CCDC149: variants seen among roughly 807,000 people sequenced by gnomAD.
CCDC149 encodes the protein coiled-coil domain containing 149, also known as coiled-coil domain-containing protein 149.
In CCDC149, 45 loss-of-function variants were observed where a neutral mutation model predicts 59.9. The observed-to-expected ratio is 0.75, with a 90% CI of 0.59 to 0.96. The LOEUF (loss-of-function observed/expected upper bound fraction) is 0.96, where lower values mean the gene tolerates loss of function less well. Ranked by LOEUF, CCDC149 falls within the 40% of genes least tolerant of loss-of-function variation. The probability of loss-of-function intolerance (pLI) is 0.00; values close to 1 mark genes in which losing one functional copy is unlikely to be tolerated. For synonymous variants in CCDC149, 245 were observed against 260.6 expected (o/e 0.94, Z 0.58); for missense variants, 584 against 664.7 (o/e 0.88, Z 1.33).
At chr4:24,941,631 A>T (rs1722956458) in intron 1 of CCDC149, among the ~76,000 whole-genome samples, 1 of 152,154 alleles carries the variant, frequency 6.6e-6, no homozygotes, top group African/African-American at 2.4e-5. Context: ...AAAGATCAAC[A>T]AAATTGATAG....
chr4:24,888,984 T>C (rs201584607), intron 1 of CCDC149, among the ~76,000 whole-genome samples: 2 of 152,260 alleles, frequency 1.3e-5, no homozygotes, highest in East Asian at 3.9e-4. Flanking sequence ...GTATTACTTT[T>C]GACAGGCAAA....
intron 4 of CCDC149, among the ~76,000 whole-genome samples, chr4:24,852,138 A>G (rs1416702717): frequency 6.6e-6 from 1 of 152,060 alleles, no homozygotes; most frequent in South Asian, 2.1e-4. Flanking sequence ...AGGCAATTCT[A>G]TGCATATTTT....
intron 3 of CCDC149, among the ~76,000 whole-genome samples, chr4:24,858,124 C>T (rs1415087167): frequency 6.6e-6 from 1 of 152,188 alleles, no homozygotes; most frequent in African/African-American, 2.4e-5. Flanking sequence ...ATGACTCACA[C>T]ACATTCACTA....
chr4:24,863,064 G>T (rs111309624), intron 3 of CCDC149, among the ~76,000 whole-genome samples: 1 of 152,116 alleles, frequency 6.6e-6, no homozygotes, highest in Non-Finnish European at 1.5e-5. Context: ...GGGCTGAGGC[G>T]GGAGGATCAC....
chr4:24,865,095 T>C (rs1404856595), intron 3 of CCDC149, among the ~76,000 whole-genome samples: 3 of 152,102 alleles, frequency 2.0e-5, no homozygotes, highest in Admixed American at 6.5e-5. Context: ...TGAAGACATA[T>C]AAATCAGAAC....
At chr4:24,869,312 G>A (rs800378) in intron 3 of CCDC149, among the ~76,000 whole-genome samples, 74,403 of 152,050 alleles carry the variant, frequency 0.49, 20,127 homozygotes, top group Non-Finnish European at 0.61. Flanking sequence ...TCACGCTTCC[G>A]CTTCTGAGGA....
downstream of CCDC149, among the ~76,000 whole-genome samples, chr4:24,804,928 A>G (rs907735985): frequency 5.9e-5 from 9 of 152,176 alleles, no homozygotes; most frequent in Non-Finnish European, 1.3e-4. Context: ...AGCTGAGGCC[A>G]TCAGGAGCCT....
In CCDC149 at chr4:24,948,104, C is replaced by G. The variant is rs1723173516; in HGVS notation, c.-65+31965G>C. ...AGGCGTAGGAGTGGCAGGCAGTGGG[C>G]TACGGCAGGTGATTTAAGAAACCTA... On this transcript the variant is annotated intron_variant, in intron 1 of 12. Coordinates refer to the CCDC149 transcript ENST00000389609. Among the ~76,000 whole-genome samples, 4 of 152,282 alleles carry G rather than the reference C, an allele frequency of 2.6e-5. No individual in the cohort carries two copies. In the South Asian group the frequency reaches 8.3e-4, roughly 32 times the overall value.
chr4:24,824,290 T>C (rs1320562608), intron 9 of CCDC149, among the ~76,000 whole-genome samples: 2 of 152,216 alleles, frequency 1.3e-5, no homozygotes, highest in East Asian at 1.9e-4. Context: ...TTGTCAGTGC[T>C]TTCTTCTCTG....
At chr4:24,813,489 AATATATATATATATATAT>A (rs57650226) in intron 12 of CCDC149, among the ~76,000 whole-genome samples, 325 of 113,728 alleles carry the variant, frequency 2.9e-3, no homozygotes, top group African/African-American at 9.7e-3. Flanking sequence ...CAGCTTGGGG[AATATATATATATATATAT>A]ATATATATAT....
At chr4:24,957,696 T>C (rs560618674) in intron 1 of CCDC149, among the ~76,000 whole-genome samples, 3 of 152,348 alleles carry the variant, frequency 2.0e-5, no homozygotes, top group African/African-American at 7.2e-5. Flanking sequence ...AACATAACCA[T>C]GTCTGTGCAT....
chr4:24,978,590 TG>T (rs1724324121), intron 1 of CCDC149, among the ~76,000 whole-genome samples: 1 of 152,164 alleles, frequency 6.6e-6, no homozygotes, highest in African/African-American at 2.4e-5. Flanking sequence ...GAGACAAGGA[TG>T]GGGGTAGGAT....
upstream of CCDC149, among the ~76,000 whole-genome samples, chr4:24,915,576 C>T (rs182505723): frequency 3.9e-5 from 6 of 152,288 alleles, no homozygotes; most frequent in South Asian, 2.1e-4. Context: ...TTTCCTTCTC[C>T]GAAATAAGTC....
intron 1 of CCDC149, among the ~76,000 whole-genome samples, chr4:24,970,703 T>C (rs114664346): frequency 0.028 from 4,306 of 152,212 alleles, 185 homozygotes; most frequent in African/African-American, 0.098. Flanking sequence ...AGGGTGGCCT[T>C]ACCAACCAGT....
At chr4:24,905,526 A>C (rs542567297) in intron 1 of CCDC149, among the ~76,000 whole-genome samples, 2 of 150,688 alleles carry the variant, frequency 1.3e-5, no homozygotes, top group Non-Finnish European at 3.0e-5. Flanking sequence ...ACCTCCACCT[A>C]CTGGGTTCAA....
chr4:24,865,356 G>A (rs1005022865), intron 3 of CCDC149, among the ~76,000 whole-genome samples: 1 of 152,146 alleles, frequency 6.6e-6, no homozygotes, highest in Admixed American at 6.5e-5. Flanking sequence ...GTTCTTGAGA[G>A]GTGTGATTGA....
intron 4 of CCDC149, among the ~76,000 whole-genome samples, chr4:24,844,300 T>C (rs968880931): frequency 1.6e-4 from 24 of 152,142 alleles, no homozygotes; most frequent in Non-Finnish European, 2.4e-4. Context: ...GCTTCTTAGA[T>C]CTATTAAATA....
chr4:24,891,312 A>G (rs1257195671), intron 1 of CCDC149, among the ~76,000 whole-genome samples: 2 of 152,188 alleles, frequency 1.3e-5, no homozygotes, highest in Admixed American at 1.3e-4. Flanking sequence ...ACACTGCTCA[A>G]GGTGGGGACT....
intron 8 of CCDC149, among the ~76,000 whole-genome samples, chr4:24,832,553 T>C (rs1364274651): frequency 2.0e-5 from 3 of 152,200 alleles, no homozygotes; most frequent in Non-Finnish European, 4.4e-5. Context: ...TGTGCATATA[T>C]CCTGCCCTGG....
Sources: gnomAD v4.1 joint callset for allele counts (sites outside exome capture counted in the v4.1 genomes callset) on GRCh38, gnomAD v4.1.1 for gene constraint, MANE v1.5 for transcripts, NCBI Gene and HGNC (gene_info 2026-07-23, HGNC 2026-07-21) for gene names.